ERG: variants seen among roughly 807,000 people sequenced by gnomAD.
ERG encodes the protein ETS transcription factor ERG, also known as transcriptional regulator ERG.
A neutral mutation model predicts 55.3 loss-of-function variants in ERG; 9 were observed. That is an observed-to-expected ratio of 0.16 (90% CI 0.10 to 0.28). The LOEUF (loss-of-function observed/expected upper bound fraction) is 0.28. ERG is among the 10% of genes least tolerant of loss of function. The pLI is 1.00. For missense variants in ERG, 434 were observed against 631.6 expected, an observed-to-expected ratio of 0.69 and a Z score of 3.35; for synonymous variants, 223 against 237.3, an observed-to-expected ratio of 0.94 and a Z score of 0.55.
chr21:38,639,022 C>A (rs73217997), intron 1 of ERG, among the ~76,000 whole-genome samples: 28,787 of 152,086 alleles, frequency 0.19, 3,019 homozygotes, highest in Middle Eastern at 0.28. Context: ...TGCAGCCAGG[C>A]TCTAACAACC....
rs753282279 is a variant in ERG at position 38,518,234 on chromosome 21, GTGTATCTATC to G, written c.-41+57418_-41+57427del. Among the ~76,000 whole-genome samples, 269 of 135,076 alleles carry G rather than the reference GTGTATCTATC, an allele frequency of 2.0e-3. 3 individuals carry two copies. Among genetic ancestry groups the G allele is most frequent in the African/African-American group, 6.8e-3 (246 of 36,238 alleles). 88.6% of individuals were successfully genotyped at this position (135,076 alleles called of 152,430 possible). ...ATGTACCCCATAACTATGTGTGTGT[GTGTATCTATC>G]TATCTATCTATCTATCTATCTATCT... On this transcript the variant is annotated intron_variant, in intron 2 of 8. Transcript: ENST00000398897.
At chr21:38,403,731 T>A in intron 3 of ERG, 22 bp from the exon 4 acceptor site, 2 of 1,610,034 alleles carry the variant, frequency 1.2e-6, no homozygotes, top group Non-Finnish European at 1.7e-6. Context: ...GGGAACACAT[T>A]CAGTCAATTC....
chr21:38,631,225 A>G (rs1034669212), intron 1 of ERG, among the ~76,000 whole-genome samples: 2 of 152,190 alleles, frequency 1.3e-5, no homozygotes, highest in African/African-American at 4.8e-5. Flanking sequence ...GCACCTTCAG[A>G]ACACACCATT....
intron 1 of ERG, among the ~76,000 whole-genome samples, chr21:38,661,424 C>G (rs949073186): frequency 6.6e-6 from 1 of 152,164 alleles, no homozygotes; most frequent in African/African-American, 2.4e-5. Flanking sequence ...GGACCTCGGT[C>G]GTGGGGAGGA....
chr21:38,405,323 C>T (rs1051012755), intron 3 of ERG, among the ~76,000 whole-genome samples: 1 of 152,200 alleles, frequency 6.6e-6, no homozygotes, highest in African/African-American at 2.4e-5. Flanking sequence ...TATACTCAAT[C>T]ATTAAGCAGC....
intron 1 of ERG, among the ~76,000 whole-genome samples, chr21:38,609,429 G>C (rs1455418826): frequency 1.3e-5 from 2 of 151,202 alleles, no homozygotes; most frequent in Non-Finnish European, 2.9e-5. Context: ...ACAATAACTC[G>C]ACACTGGAAA....
At chr21:38,474,341 G>A (rs565053611) in intron 1 of ERG, among the ~76,000 whole-genome samples, 135 of 149,550 alleles carry the variant, frequency 9.0e-4, no homozygotes, top group African/African-American at 3.2e-3. Context: ...GCCCCTCCAG[G>A]TGACAGGCGA....
Position 38,644,922 on chromosome 21 carries a change from CAAG to C in ERG, c.-150+16733_-150+16735del, listed in dbSNP as rs562911897. 3.1e-3 allele frequency among the ~76,000 whole-genome samples: 474 copies of C among 152,196 alleles called. 5 individuals are homozygous for C. The highest frequency in any genetic ancestry group is 0.011 in the African/African-American group (454 of 41,528). ...CTGTAATCCTAGCATTTTGAGGGGC[CAAG>C]GAGGGAGCATCTCTTGAGCCCAGGA... On this transcript the variant is annotated intron_variant, in intron 1 of 10. Transcript: ENST00000398910.
At chr21:38,535,607 G>C (rs1291734038) in intron 2 of ERG, among the ~76,000 whole-genome samples, 1 of 151,912 alleles carries the variant, frequency 6.6e-6, no homozygotes, top group Non-Finnish European at 1.5e-5. Flanking sequence ...TTATGTGCTG[G>C]GCAGCCTGGA....
chr21:38,441,428 T>C (rs2058840190), intron 2 of ERG, among the ~76,000 whole-genome samples: 1 of 152,326 alleles, frequency 6.6e-6, no homozygotes, highest in African/African-American at 2.4e-5. Flanking sequence ...AAATTCTGCC[T>C]ACTTTCCAGC....
At chr21:38,573,165 G>T (rs372065489) in intron 2 of ERG, among the ~76,000 whole-genome samples, 2 of 152,196 alleles carry the variant, frequency 1.3e-5, no homozygotes, top group South Asian at 4.1e-4. Context: ...TAAACCAGGG[G>T]CACAATGCAC....
At chr21:38,529,251 G>C (rs1435079337) in intron 2 of ERG, among the ~76,000 whole-genome samples, 1 of 152,194 alleles carries the variant, frequency 6.6e-6, no homozygotes, top group East Asian at 1.9e-4. Context: ...TCTGTGTGGA[G>C]AACAGTCTAT....
chr21:38,448,056 T>C (rs906830121), intron 1 of ERG, among the ~76,000 whole-genome samples: 3 of 152,088 alleles, frequency 2.0e-5, no homozygotes, highest in Admixed American at 2.0e-4. Context: ...ACAAAGCCAA[T>C]AGCCACAAAA....
intron 3 of ERG, among the ~76,000 whole-genome samples, chr21:38,409,510 A>G (rs1411698532): frequency 6.6e-6 from 1 of 151,150 alleles, no homozygotes; most frequent in Non-Finnish European, 1.5e-5. Context: ...AAAAAAAAAA[A>G]AGACTCCGTG....
At chr21:38,478,688 T>G (rs1262717630) in intron 1 of ERG, among the ~76,000 whole-genome samples, 1 of 152,188 alleles carries the variant, frequency 6.6e-6, no homozygotes, top group East Asian at 1.9e-4. Flanking sequence ...TTCATAAGAA[T>G]GAGTAACACC....
intron 1 of ERG, among the ~76,000 whole-genome samples, chr21:38,496,000 T>C (rs1267981727): frequency 6.6e-6 from 1 of 152,232 alleles, no homozygotes; most frequent in Non-Finnish European, 1.5e-5. Context: ...ACTCTTAAGC[T>C]GATCTTAAAA....
chr21:38,528,353 G>A (rs2059645238), intron 2 of ERG, among the ~76,000 whole-genome samples: 1 of 150,278 alleles, frequency 6.7e-6, no homozygotes, highest in Non-Finnish European at 1.5e-5. Context: ...ACTTGAACCT[G>A]GATTAGAACT....
chr21:38,619,865 A>G (rs1007892702), intron 1 of ERG, among the ~76,000 whole-genome samples: 3 of 152,368 alleles, frequency 2.0e-5, no homozygotes, highest in African/African-American at 7.2e-5. Flanking sequence ...CAAAAGAGGA[A>G]GAAAACATGT....
chr21:38,474,779 T>C (rs763700495), intron 1 of ERG, among the ~76,000 whole-genome samples: 3 of 151,974 alleles, frequency 2.0e-5, no homozygotes, highest in Non-Finnish European at 4.4e-5. Context: ...AACGTTGTGA[T>C]AAGAAGCCTT....
Sources: gnomAD v4.1 joint callset for allele counts (sites outside exome capture counted in the v4.1 genomes callset) on GRCh38, gnomAD v4.1.1 for gene constraint, MANE v1.5 for transcripts, NCBI Gene and HGNC (gene_info 2026-07-23, HGNC 2026-07-21) for gene names.